The following ERO1A variants were observed in gnomAD, a reference collection of about 807,000 sequenced individuals.
ERO1A encodes the protein ERO1-like protein alpha.
A neutral mutation model predicts 76.9 loss-of-function variants in ERO1A; 49 were observed. That is an observed-to-expected ratio of 0.64 (90% CI 0.51 to 0.81). The LOEUF (loss-of-function observed/expected upper bound fraction) is 0.81. Among genes scored for constraint, ERO1A ranks in the 30% least tolerant of loss-of-function variants. The pLI is 0.00. For synonymous variants in ERO1A, 174 were observed against 181.2 expected, an observed-to-expected ratio of 0.96 and a Z score of 0.32; for missense variants, 448 against 542.1, an observed-to-expected ratio of 0.83 and a Z score of 1.72.
chr14:52,652,191 A>C (rs761433476), intron 13 of ERO1A, 48 bp downstream of exon 13: 2 of 1,136,254 alleles, frequency 1.8e-6, no homozygotes, highest in African/African-American at 1.5e-5. Flanking sequence ...TCATATCTGC[A>C]TAAGTGTTAA....
chr14:52,664,816 C>G (rs568118803), intron 7 of ERO1A, among the ~76,000 whole-genome samples: 1 of 152,134 alleles, frequency 6.6e-6, no homozygotes, highest in South Asian at 2.1e-4. Context: ...CTCAGCCTCT[C>G]GAGTAGCTGG....
intron 15 of ERO1A, among the ~76,000 whole-genome samples, chr14:52,645,433 G>A (rs2039616612): frequency 6.6e-6 from 1 of 151,162 alleles, no homozygotes. Context: ...CTCCTGAGTA[G>A]CTGGGACCAC....
intron 6 of ERO1A, among the ~76,000 whole-genome samples, chr14:52,667,954 C>CA (rs891053073): frequency 4.4e-4 from 66 of 148,754 alleles, no homozygotes; most frequent in Admixed American, 4.7e-4. Context: ...ACCACAAAAA[C>CA]AAAAAAAAAC....
In ERO1A at chr14:52,640,792, A is replaced by C. The variant is rs531850324; in HGVS notation, c.*2778T>G. Reference sequence around the variant, plus strand: ...AAAACTTAGAATATAATGGTTCTAAAATTAACCAAAGTAAGGGACACAGGC... The same window carrying C: ...AAAACTTAGAATATAATGGTTCTAACATTAACCAAAGTAAGGGACACAGGC... On this transcript the variant is annotated 3_prime_UTR_variant, in exon 16 of 16. Coordinates refer to ENST00000395686, the MANE Select transcript of ERO1A (RefSeq NM_014584.3). 6.6e-6 allele frequency: 1 copy of C among 152,324 alleles called. No individual in the cohort carries two copies. Among genetic ancestry groups the C allele is most frequent in the South Asian group, 2.1e-4 (1 of 4,832 alleles). The allele number at this position is 152,324 out of a possible 1,614,324, so 9.4% of individuals were successfully genotyped here. A position where few individuals can be genotyped will look rare whatever the true frequency, so the allele number is the denominator to read the frequency against.
At position 52,646,294 on chromosome 14, in the gene ERO1A, T is replaced by C. The variant is rs770942808; in HGVS notation, c.1213-7A>G. 1.1e-4 allele frequency: 179 copies of C among 1,601,090 alleles called. No individual in the cohort carries two copies. The highest frequency in any genetic ancestry group is 1.4e-4 in the Non-Finnish European group (165 of 1,176,548). ...CAGTGCCCAAACCCTGAGTCTGTAA[T>C]AGAAATAAGGAAAAAAGAAAAATTA... On this transcript the variant is annotated splice_polypyrimidine_tract_variant and splice_region_variant and intron_variant, in intron 14 of 15. Transcript: ENST00000395686.
At chr14:52,665,710 G>A (rs1383433212) in intron 7 of ERO1A, among the ~76,000 whole-genome samples, 6 of 152,070 alleles carry the variant, frequency 3.9e-5, no homozygotes, top group Non-Finnish European at 8.8e-5. Context: ...GATACCCAGT[G>A]ATCAGCAACT....
chr14:52,645,929 G>C lies in ERO1A; in HGVS notation c.1346+225C>G, dbSNP rs201801883. ...CACGCACCTGTAATCCCAGCTACTT[G>C]GGAGGCTAAGTTGGGAGAATCGCTT... On this transcript the variant is annotated intron_variant, in intron 15 of 15. Coordinates refer to ENST00000395686, the MANE Select transcript of ERO1A (RefSeq NM_014584.3). Among the ~76,000 whole-genome samples the C allele has an allele frequency of 2.0e-5, 3 of 152,174 alleles. No homozygotes were observed. The East Asian group carries it at 5.8e-4, about 29-fold the overall frequency.
intron 1 of ERO1A, among the ~76,000 whole-genome samples, chr14:52,685,841 C>T (rs1471183484): frequency 6.6e-6 from 1 of 152,222 alleles, no homozygotes; most frequent in South Asian, 2.1e-4. Flanking sequence ...CTGTACCTCA[C>T]AGCAGTGAAT....
At chr14:52,671,757 A>G in intron 5 of ERO1A, 38 bp downstream of exon 5, 1 of 1,584,074 alleles carries the variant, frequency 6.3e-7, no homozygotes, top group Non-Finnish European at 8.6e-7. Context: ...TATGTAACAT[A>G]AAGAAACATG....
intron 4 of ERO1A, 54 bp from the exon 5 acceptor site, chr14:52,671,925 G>A (rs1214127588): frequency 8.3e-7 from 1 of 1,204,252 alleles, no homozygotes; most frequent in Admixed American, 2.2e-5. Flanking sequence ...TTTAAAACTT[G>A]TTTAAAATTT....
At chr14:52,656,958 A>G (rs1171627758) in intron 11 of ERO1A, among the ~76,000 whole-genome samples, 2 of 152,110 alleles carry the variant, frequency 1.3e-5, no homozygotes, top group Non-Finnish European at 2.9e-5. Flanking sequence ...ATGAGGTAGA[A>G]GGTAGGACTT....
intron 1 of ERO1A, among the ~76,000 whole-genome samples, chr14:52,692,398 G>GC (rs1457743848): frequency 1.3e-5 from 2 of 152,166 alleles, no homozygotes; most frequent in East Asian, 3.8e-4. Flanking sequence ...CAGGCACCAT[G>GC]CAGCAGTGTG....
rs187000989 is a variant in ERO1A, at chr14:52,658,411, G to A, written c.689-261C>T. ...CCAGTCTCATAACGTTCTGGTTAAA[G>A]TGTTTTACAGGAGGTCAAAATACAG... On this transcript the variant is annotated intron_variant, in intron 9 of 15. Transcript: ENST00000395686. The A allele has an allele frequency of 9.3e-4, 323 of 346,072 alleles. 2 individuals are homozygous for A. Among genetic ancestry groups the A allele is most frequent in the Non-Finnish European group, 1.5e-3 (282 of 192,698 alleles). The allele number at this position is 346,072 out of a possible 1,614,324, so 21.4% of individuals were successfully genotyped here.
intron 2 of ERO1A, 77 bp from the exon 3 acceptor site, chr14:52,682,485 C>T: frequency 8.9e-7 from 1 of 1,119,194 alleles, no homozygotes; most frequent in Non-Finnish European, 1.3e-6. Context: ...AATTATGGTG[C>T]TATAACTTGG....
chr14:52,645,302 C>CTTT (rs35036293), intron 15 of ERO1A, among the ~76,000 whole-genome samples: 8 of 130,388 alleles, frequency 6.1e-5, no homozygotes, highest in African/African-American at 1.5e-4. Context: ...CATATACACA[C>CTTT]TTTTTTTTTT....
chr14:52,675,155 A>G (rs1337794528), intron 4 of ERO1A, among the ~76,000 whole-genome samples: 2 of 152,144 alleles, frequency 1.3e-5, no homozygotes, highest in Admixed American at 1.3e-4. Flanking sequence ...AGGCCGAGAC[A>G]GGTGGATCAC....
intron 15 of ERO1A, among the ~76,000 whole-genome samples, chr14:52,644,497 C>T (rs1211230392): frequency 2.0e-5 from 3 of 151,602 alleles, no homozygotes; most frequent in Non-Finnish European, 4.4e-5. Context: ...AAGTATACTC[C>T]CTTAATATTA....
chr14:52,680,654 A>G (rs1017673715), intron 3 of ERO1A, among the ~76,000 whole-genome samples: 1 of 152,216 alleles, frequency 6.6e-6, no homozygotes, highest in Non-Finnish European at 1.5e-5. Context: ...AATTTTTTCT[A>G]TTACTAAATT....
intron 3 of ERO1A, among the ~76,000 whole-genome samples, chr14:52,682,119 T>C (rs1304269055): frequency 2.0e-5 from 3 of 152,058 alleles, no homozygotes; most frequent in Non-Finnish European, 4.4e-5. Flanking sequence ...ATGGGCTGGG[T>C]GCAGTGGCTC....
Sources: gnomAD v4.1 joint callset for allele counts (sites outside exome capture counted in the v4.1 genomes callset) on GRCh38, gnomAD v4.1.1 for gene constraint, MANE v1.5 for transcripts, NCBI Gene and HGNC (gene_info 2026-07-23, HGNC 2026-07-21) for gene names.